SARM1: variants seen among roughly 807,000 people sequenced by gnomAD.
SARM1 encodes the protein sterile alpha and TIR motif containing 1.
In SARM1, 60 loss-of-function variants were observed where a neutral mutation model predicts 65.1. The observed-to-expected ratio is 0.92, with a 90% CI of 0.75 to 1.14. The LOEUF is 1.14. Among genes scored for constraint, SARM1 ranks in the 50% most tolerant of loss-of-function variants. The pLI is 0.00. For missense variants in SARM1, 913 were observed against 1,015.7 expected, an observed-to-expected ratio of 0.90 and a Z score of 1.37; for synonymous variants, 417 against 465.4, an observed-to-expected ratio of 0.90 and a Z score of 1.34.
At chr17:28,393,789 T>C (rs1555587250) in intron 7 of SARM1, among the ~76,000 whole-genome samples, 4 of 152,328 alleles carry the variant, frequency 2.6e-5, no homozygotes, top group Middle Eastern at 6.8e-3. Context: ...TGCTGAGATA[T>C]AAGGTCAGTG....
At chr17:28,391,480 C>T (rs1213540613) in intron 7 of SARM1, among the ~76,000 whole-genome samples, 5 of 151,956 alleles carry the variant, frequency 3.3e-5, no homozygotes, top group African/African-American at 1.2e-4. Context: ...GCCCCAGAGG[C>T]CATGTAGGAG....
Position 28,384,234 on chromosome 17 carries a change from G to A in SARM1, c.1090-123G>A. ...GGACCCCATGACTTAGTGGCTGAAG[G>A]TGGGGCCAGGGCAGATGGAGAGACT... On this transcript the variant is annotated intron_variant, in intron 2 of 8. Transcript: ENST00000585482. The surrounding 1 kb of genome is among the most constrained non-coding windows in gnomAD (Gnocchi z 4.4). 1 of 732,804 alleles carries A rather than the reference G, an allele frequency of 1.4e-6. No homozygotes were observed. The highest frequency in any genetic ancestry group is 1.8e-5 in the African/African-American group (1 of 55,556). 45.4% of individuals were successfully genotyped at this position (732,804 alleles called of 1,614,324 possible).
Position 28,400,110 on chromosome 17 carries a change from A to G in SARM1, c.*3824A>G. Reference sequence around the variant, plus strand: ...AGGTCTTGCTATGTTGCCCAGGCTGATCTTGAATTCCCGGGCTCAAGTGGT... The same window carrying G: ...AGGTCTTGCTATGTTGCCCAGGCTGGTCTTGAATTCCCGGGCTCAAGTGGT... On this transcript the variant is annotated 3_prime_UTR_variant, in exon 9 of 9. Transcript: ENST00000585482. The G allele has an allele frequency of 4.2e-6, 1 of 239,318 alleles. No individual in the cohort carries two copies. Among genetic ancestry groups the G allele is most frequent in the Middle Eastern group, 1.6e-3 (1 of 612 alleles). 14.8% of individuals were successfully genotyped at this position (239,318 alleles called of 1,614,324 possible).
At chr17:28,388,115 C>T in intron 5 of SARM1, 59 bp from the exon 6 acceptor site, 2 of 1,247,068 alleles carry the variant, frequency 1.6e-6, no homozygotes, top group Non-Finnish European at 2.3e-6. Context: ...GGATGATATA[C>T]CTGACAGTGA....
At position 28,396,521 on chromosome 17, in the gene SARM1, T is replaced by C. The variant is rs762983414; in HGVS notation, c.*235T>C. ...GGGAGGTTAGAACTCCCCCAGGCCC[T>C]GCCATTGGGTTGTCTGTCTCCGTCA... On this transcript the variant is annotated 3_prime_UTR_variant, in exon 9 of 9. Transcript: ENST00000585482. The C allele has an allele frequency of 6.8e-5, 38 of 561,756 alleles. No individual in the cohort carries two copies. Among genetic ancestry groups the C allele is most frequent in the Non-Finnish European group, 1.1e-4 (34 of 315,186 alleles). 34.8% of individuals were successfully genotyped at this position (561,756 alleles called of 1,614,324 possible). A position where few individuals can be genotyped will look rare whatever the true frequency, so the allele number is the denominator to read the frequency against.
chr17:28,384,554 C>T lies in SARM1; in HGVS notation c.1287C>T (p.Tyr429=), dbSNP rs1555585660. ...TGCAGCAGATCGGTTTCTCCAAGTACTGCGAGAGCTTCCGGGTAGAGTCGC... is the reference window on the plus strand; with the variant it reads ...TGCAGCAGATCGGTTTCTCCAAGTATTGCGAGAGCTTCCGGGTAGAGTCGC... The part of the protein sequence containing the change: ...TWLQQIGFSK[Y]CESFREQQVD... The change falls in exon 3 of 9, where the codon TAC becomes TAT. Residue 429 remains tyrosine, a synonymous_variant. Transcript: ENST00000585482. The surrounding 1 kb of genome is among the most constrained non-coding windows in gnomAD (Gnocchi z 4.4). 6.2e-7 allele frequency: 1 copy of T among 1,607,928 alleles called. No homozygotes were observed. Among genetic ancestry groups the T allele is most frequent in the South Asian group, 1.1e-5 (1 of 90,370 alleles).
intron 1 of SARM1, among the ~76,000 whole-genome samples, chr17:28,376,631 TG>T (rs1454505684): frequency 2.0e-5 from 3 of 151,736 alleles, no homozygotes; most frequent in Non-Finnish European, 4.4e-5. Context: ...TCTTATCTTT[TG>T]TTTTTGTTTT....
intron 5 of SARM1, chr17:28,386,802 C>T (rs1367348678): frequency 2.6e-5 from 4 of 152,220 alleles, no homozygotes; most frequent in African/African-American, 7.2e-5. Context: ...TGCAGTGGCG[C>T]AATCACAACC....
At chr17:28,377,238 CTG>C (rs1489066972) in intron 1 of SARM1, among the ~76,000 whole-genome samples, 2 of 152,186 alleles carry the variant, frequency 1.3e-5, no homozygotes, top group African/African-American at 4.8e-5. Flanking sequence ...CTCTCAGAAA[CTG>C]TGTGACTCTG....
chr17:28,372,532 C>A lies in SARM1; in HGVS notation c.470+30C>A. 4 of 1,489,678 alleles carry A rather than the reference C, an allele frequency of 2.7e-6. No homozygotes were observed. The highest frequency in any genetic ancestry group is 3.6e-6 in the Non-Finnish European group (4 of 1,121,656). The allele number at this position is 1,489,678 out of a possible 1,614,324, so 92.3% of individuals were successfully genotyped here. A position where few individuals can be genotyped will look rare whatever the true frequency, so the allele number is the denominator to read the frequency against. ...GCGCGCCAGGCCGGGGTTGGGAGAGCGCCGCGTGGTGTGGACAGTTAAGCG... is the reference window on the plus strand; with the variant it reads ...GCGCGCCAGGCCGGGGTTGGGAGAGAGCCGCGTGGTGTGGACAGTTAAGCG... On this transcript the variant is annotated intron_variant, in intron 1 of 8. Transcript: ENST00000585482. The surrounding 1 kb of genome is among the most constrained non-coding windows in gnomAD (Gnocchi z 5.2).
At chr17:28,375,172 C>G (rs192019869) in intron 1 of SARM1, among the ~76,000 whole-genome samples, 1 of 152,158 alleles carries the variant, frequency 6.6e-6, no homozygotes, top group African/African-American at 2.4e-5. Flanking sequence ...AGTGAGGTCC[C>G]CATATGACTG....
chr17:28,378,376 G>A (rs1052518636), intron 1 of SARM1, among the ~76,000 whole-genome samples: 13 of 152,166 alleles, frequency 8.5e-5, no homozygotes, highest in African/African-American at 2.4e-4. Flanking sequence ...TGCCTGAAAT[G>A]CAACTGAAAT....
Position 28,372,485 on chromosome 17 carries a change from C to T in SARM1, c.453C>T (p.Ile151=), listed in dbSNP as rs782705531. The change falls in exon 1 of 9, where the codon ATC becomes ATT. Residue 151 remains isoleucine, a synonymous_variant. Transcript: ENST00000585482. This position sits in a 1 kb window ranked among gnomAD's most constrained non-coding sequence, Gnocchi z 5.2. ...AGGCCGCGCGCCTGCTGGAGCAGAT[C>T]CTGGTGGCTGAGAACCGGTGAGCGC... ...RVQAARLLEQ[I]LVAENRDRVA... 7.2e-6 allele frequency: 11 copies of T among 1,528,980 alleles called. No homozygotes were observed. The South Asian group carries it at 1.3e-4, about 18-fold the overall frequency. The allele number at this position is 1,528,980 out of a possible 1,614,324, so 94.7% of individuals were successfully genotyped here. A position where few individuals can be genotyped will look rare whatever the true frequency, so the allele number is the denominator to read the frequency against.
chr17:28,395,775 AG>A lies in SARM1; in HGVS notation c.1924-128del, dbSNP rs2068113509. Reference sequence around the variant, plus strand: ...ACTACAAGGGTTAAGGTAGACATCAAGGTGGACATCAGGACTGGTGTCCTGC... The same window carrying A: ...ACTACAAGGGTTAAGGTAGACATCAAGTGGACATCAGGACTGGTGTCCTGC... On this transcript the variant is annotated intron_variant, in intron 7 of 8. Coordinates refer to ENST00000585482, the MANE Select transcript of SARM1 (RefSeq NM_015077.4). The A allele has an allele frequency of 1.1e-5, 10 of 887,788 alleles. No individual in the cohort carries two copies. In the East Asian group the frequency reaches 2.4e-4, roughly 22 times the overall value. The allele number at this position is 887,788 out of a possible 1,614,324, so 55.0% of individuals were successfully genotyped here. A position where few individuals can be genotyped will look rare whatever the true frequency, so the allele number is the denominator to read the frequency against.
intron 5 of SARM1, chr17:28,386,459 A>G (rs1464731622): frequency 6.6e-6 from 1 of 151,930 alleles, no homozygotes; most frequent in Non-Finnish European, 1.5e-5. Context: ...ATTCAAATAC[A>G]TTTCCCACAG....
intron 7 of SARM1, chr17:28,395,646 T>A: frequency 2.4e-6 from 1 of 413,418 alleles, no homozygotes. Flanking sequence ...TGGGGAATCA[T>A]CTCTTTAGCA....
chr17:28,396,597 G>A lies in SARM1; in HGVS notation c.*311G>A. On this transcript the variant is annotated 3_prime_UTR_variant, in exon 9 of 9. Coordinates refer to ENST00000585482, the MANE Select transcript of SARM1 (RefSeq NM_015077.4). ...GAGACACTGGAGTTGGGGTGGGGGT[G>A]GTTCTGCATTCCCTTCTCCTGCTGA... 2.9e-6 allele frequency: 1 copy of A among 349,234 alleles called. No homozygotes were observed. The highest frequency in any genetic ancestry group is 5.3e-6 in the Non-Finnish European group (1 of 188,314). The allele number at this position is 349,234 out of a possible 1,614,324, so 21.6% of individuals were successfully genotyped here. A position where few individuals can be genotyped will look rare whatever the true frequency, so the allele number is the denominator to read the frequency against.
chr17:28,384,610 G>A lies in SARM1; in HGVS notation c.1302+41G>A, dbSNP rs781996052. 3.7e-5 allele frequency: 57 copies of A among 1,521,992 alleles called. No homozygotes were observed. The highest frequency in any genetic ancestry group is 5.0e-5 in the Non-Finnish European group (56 of 1,127,114). 94.3% of individuals were successfully genotyped at this position (1,521,992 alleles called of 1,614,324 possible). On this transcript the variant is annotated intron_variant, in intron 3 of 8. Transcript: ENST00000585482. The surrounding 1 kb of genome is among the most constrained non-coding windows in gnomAD (Gnocchi z 4.4). ...ATACGCCTCCCCCGAGTCAGAGCGG[G>A]CGCCCTGTGCACAGGGACTGCGTTC...
intron 7 of SARM1, among the ~76,000 whole-genome samples, chr17:28,389,804 C>T (rs2068071364): frequency 6.6e-6 from 1 of 152,170 alleles, no homozygotes; most frequent in Non-Finnish European, 1.5e-5. Context: ...AGGGGAATCG[C>T]TTGGGCCCAG....
Sources: gnomAD v4.1 joint callset for allele counts (sites outside exome capture counted in the v4.1 genomes callset) on GRCh38, gnomAD v4.1.1 for gene constraint, Gnocchi (gnomAD v3.1) non-coding constraint, MANE v1.5 for transcripts, NCBI Gene and HGNC (gene_info 2026-07-23, HGNC 2026-07-21) for gene names.